The following AGBL4 variants were observed in gnomAD, a reference collection of about 807,000 sequenced individuals.
AGBL4 encodes AGBL carboxypeptidase 4.
AGBL4 carries 58 observed loss-of-function variants against 66.4 expected under a neutral mutation model. The observed-to-expected ratio is 0.87, with a 90% CI of 0.71 to 1.09. The LOEUF is 1.09. Ranked by LOEUF, AGBL4 falls within the 50% of genes least tolerant of loss-of-function variation. The pLI is 0.00. For missense variants in AGBL4, 579 were observed against 631.0 expected, an observed-to-expected ratio of 0.92 and a Z score of 0.88; for synonymous variants, 234 against 222.9, an observed-to-expected ratio of 1.05 and a Z score of -0.44.
At chr1:48,875,035 C>A (rs930925500) in intron 5 of AGBL4, among the ~76,000 whole-genome samples, 4 of 152,146 alleles carry the variant, frequency 2.6e-5, no homozygotes, top group African/African-American at 4.8e-5. Flanking sequence ...TCAACAAATA[C>A]CAATGAAGCA....
Position 48,640,593 on chromosome 1 carries a change from C to G in AGBL4, c.840-5989G>C, listed in dbSNP as rs548959556. ...CATTTGATAAATAAGGAAATAAAAT[C>G]CAAGAAAGATTTCATCTTGAGAGGG... is the stretch of plus-strand genomic sequence containing the variant. On this transcript the variant is annotated intron_variant, in intron 8 of 13. Transcript: ENST00000371839. Among the ~76,000 whole-genome samples, 6 of 152,202 alleles carry G rather than the reference C, an allele frequency of 3.9e-5. No individual in the cohort carries two copies. The East Asian group carries it at 1.2e-3, about 29-fold the overall frequency.
intron 3 of AGBL4, among the ~76,000 whole-genome samples, chr1:49,626,057 G>T (rs1444696283): frequency 1.3e-5 from 2 of 152,272 alleles, no homozygotes; most frequent in Non-Finnish European, 2.9e-5. Context: ...GTAGGTTATT[G>T]AGAGTGTTAA....
At chr1:48,944,303 A>G (rs1282137882) in intron 5 of AGBL4, among the ~76,000 whole-genome samples, 2 of 152,074 alleles carry the variant, frequency 1.3e-5, no homozygotes, top group Non-Finnish European at 2.9e-5. Context: ...TTCAAAGCTG[A>G]GTTGAGTTTT....
chr1:49,413,000 G>T (rs1645348552), intron 3 of AGBL4, among the ~76,000 whole-genome samples: 1 of 152,166 alleles, frequency 6.6e-6, no homozygotes, highest in Admixed American at 6.5e-5. Flanking sequence ...TCCCAGATTT[G>T]TGAAAGAAGC....
intron 3 of AGBL4, among the ~76,000 whole-genome samples, chr1:49,292,384 A>G (rs1224882929): frequency 6.6e-6 from 1 of 152,186 alleles, no homozygotes; most frequent in East Asian, 1.9e-4. Flanking sequence ...CTTCAAGCCA[A>G]GGAGGGCTTA....
intron 5 of AGBL4, among the ~76,000 whole-genome samples, chr1:48,949,388 A>C (rs2148925542): frequency 6.6e-6 from 1 of 152,352 alleles, no homozygotes; most frequent in Non-Finnish European, 1.5e-5. Flanking sequence ...GATGGGTATG[A>C]ATGGCAGATA....
chr1:49,778,609 G>A (rs778412922), intron 2 of AGBL4, among the ~76,000 whole-genome samples: 5 of 152,166 alleles, frequency 3.3e-5, no homozygotes, highest in Admixed American at 2.0e-4. Context: ...AGTAAATCTA[G>A]CAAAGAGACA....
intron 3 of AGBL4, among the ~76,000 whole-genome samples, chr1:49,599,033 G>A (rs1014517435): frequency 1.3e-5 from 2 of 152,182 alleles, no homozygotes; most frequent in South Asian, 2.1e-4. Flanking sequence ...TCGCATCATT[G>A]TTGATCAGGG....
At chr1:48,851,042 T>C (rs534302830) in intron 6 of AGBL4, among the ~76,000 whole-genome samples, 1 of 152,362 alleles carries the variant, frequency 6.6e-6, no homozygotes, top group Non-Finnish European at 1.5e-5. Context: ...AAAATCACCT[T>C]GTCCATTGTA....
chr1:49,872,748 T>C (rs1346329643), intron 1 of AGBL4, among the ~76,000 whole-genome samples: 3 of 152,102 alleles, frequency 2.0e-5, no homozygotes, highest in African/African-American at 7.2e-5. Context: ...AAGCCAAGTA[T>C]AATAGGACTA....
chr1:49,594,148 G>GAA (rs1445509481), intron 3 of AGBL4, among the ~76,000 whole-genome samples: 1 of 151,970 alleles, frequency 6.6e-6, no homozygotes, highest in African/African-American at 2.4e-5. Context: ...GCTTTTAGTT[G>GAA]AAAAACTCTG....
intron 3 of AGBL4, among the ~76,000 whole-genome samples, chr1:49,476,533 G>A (rs1210448084): frequency 6.6e-6 from 1 of 151,978 alleles, no homozygotes; most frequent in Non-Finnish European, 1.5e-5. Flanking sequence ...ATTGGTGGCT[G>A]TCAATATTTT....
chr1:48,917,897 G>A (rs1653733905), intron 5 of AGBL4, among the ~76,000 whole-genome samples: 1 of 152,180 alleles, frequency 6.6e-6, no homozygotes, highest in African/African-American at 2.4e-5. Context: ...GATAGAGGAA[G>A]AGAGGCAGTG....
At chr1:49,352,530 C>G (rs934888336) in intron 3 of AGBL4, among the ~76,000 whole-genome samples, 7 of 152,034 alleles carry the variant, frequency 4.6e-5, no homozygotes, top group African/African-American at 1.7e-4. Context: ...AAAGGCCCCC[C>G]CTCCTTCTGG....
intron 5 of AGBL4, among the ~76,000 whole-genome samples, chr1:49,027,659 A>C (rs1436600451): frequency 4.6e-5 from 7 of 152,008 alleles, no homozygotes. Flanking sequence ...GGCCACAAGC[A>C]CCTCTCACAT....
chr1:48,852,986 C>G (rs137924178), intron 6 of AGBL4, among the ~76,000 whole-genome samples: 1 of 152,140 alleles, frequency 6.6e-6, no homozygotes, highest in Non-Finnish European at 1.5e-5. Context: ...CTAGTTTCCT[C>G]CCAGGTGAAT....
intron 3 of AGBL4, among the ~76,000 whole-genome samples, chr1:49,441,783 T>C (rs1055877653): frequency 6.6e-6 from 1 of 152,154 alleles, no homozygotes; most frequent in Non-Finnish European, 1.5e-5. Context: ...CAGAGAAGGA[T>C]TTTAATAATC....
chr1:49,808,682 T>C (rs1335386176), intron 2 of AGBL4, among the ~76,000 whole-genome samples: 6 of 152,156 alleles, frequency 3.9e-5, no homozygotes, highest in African/African-American at 1.4e-4. Context: ...TAAATACTTA[T>C]AAATATTAGG....
chr1:48,730,911 T>C lies in AGBL4; in HGVS notation c.635-67670A>G, dbSNP rs150609173. Among the ~76,000 whole-genome samples the C allele has an allele frequency of 2.6e-5, 4 of 152,328 alleles. No homozygotes were observed. The South Asian group carries it at 6.2e-4, about 24-fold the overall frequency. Reference sequence around the variant, plus strand: ...TTGACCTTAATAGGTTTAACTGTCATTCTGGAGCTTGTCATTAGAGCAAGA... The same window carrying C: ...TTGACCTTAATAGGTTTAACTGTCACTCTGGAGCTTGTCATTAGAGCAAGA... On this transcript the variant is annotated intron_variant, in intron 6 of 13. Transcript: ENST00000371839.
Sources: allele counts gnomAD v4.1 joint callset (sites outside exome capture counted in the v4.1 genomes callset), GRCh38; gene constraint gnomAD v4.1.1; transcripts MANE v1.5; gene names NCBI Gene and HGNC (gene_info 2026-07-23, HGNC 2026-07-21).